TRRAP: variants seen among roughly 807,000 people sequenced by gnomAD.
TRRAP encodes the protein transformation/transcription domain associated protein.
A neutral mutation model predicts 438.8 loss-of-function variants in TRRAP; 41 were observed. The ratio of observed to expected loss-of-function variants is 0.09; its 90% CI spans 0.07 to 0.12. The LOEUF (loss-of-function observed/expected upper bound fraction) is 0.12. TRRAP is among the 10% of genes least tolerant of loss of function. TRRAP has a pLI of 1.00. For synonymous variants in TRRAP, 1,994 were observed against 1,962.9 expected, an observed-to-expected ratio of 1.02 and a Z score of -0.42; for missense variants, 3,122 against 5,055.1, an observed-to-expected ratio of 0.62 and a Z score of 11.60.
chr7:98,999,445 G>A, intron 67 of TRRAP: 1 of 911,040 alleles, frequency 1.1e-6, no homozygotes, highest in South Asian at 1.3e-5. Flanking sequence ...TCTGATGGGA[G>A]GGGCTTGAGC....
chr7:98,994,676 C>G lies in TRRAP; in HGVS notation c.10137C>G (p.Pro3379=). 2 of 1,614,214 alleles carry G rather than the reference C, an allele frequency of 1.2e-6. No homozygotes were observed. The highest frequency in any genetic ancestry group is 2.2e-5 in the South Asian group (2 of 91,086). The change falls in exon 67 of 73, where the codon CCC becomes CCG. Residue 3379 remains proline, a synonymous_variant. Coordinates refer to ENST00000456197, the MANE Select transcript of TRRAP (RefSeq NM_001375524.1). The surrounding 1 kb of genome is among the most constrained non-coding windows in gnomAD (Gnocchi z 4.8). ...SGAVSDAKIT[P]HTLNFVKKLV... ...CGGTGTCCGATGCTAAAATCACCCC[C>G]CACACTCTCAATTTTGTGAAGAAGT... is the stretch of plus-strand genomic sequence containing the variant.
rs1348485088 is a variant in TRRAP, at chr7:99,011,579, C to T, written c.11337+44C>T. ...CTATCACAGGCGCAGGCTAGAGCCA[C>T]TCAGATGCCCGCGCGTCACGGCCTT... On this transcript the variant is annotated intron_variant, in intron 72 of 72. Coordinates refer to ENST00000456197, the MANE Select transcript of TRRAP (RefSeq NM_001375524.1). The surrounding 1 kb of genome is among the most constrained non-coding windows in gnomAD (Gnocchi z 7.1). The T allele has an allele frequency of 2.5e-6, 4 of 1,584,836 alleles. No individual in the cohort carries two copies. In the African/African-American group the frequency reaches 5.4e-5, roughly 21 times the overall value.
chr7:98,970,332 G>T (rs1462822741), intron 52 of TRRAP, 41 bp downstream of exon 52: 3 of 1,599,688 alleles, frequency 1.9e-6, no homozygotes, highest in South Asian at 2.2e-5. Flanking sequence ...CAGAGAGGAG[G>T]TGAGGCCCCA....
At chr7:98,888,450 T>G (rs1263149418) in intron 3 of TRRAP, among the ~76,000 whole-genome samples, 2 of 151,166 alleles carry the variant, frequency 1.3e-5, no homozygotes, top group Non-Finnish European at 2.9e-5. Context: ...GGCAGGAGAA[T>G]CACTTGGATC....
intron 31 of TRRAP, among the ~76,000 whole-genome samples, chr7:98,945,539 ACT>A (rs1363349123): frequency 6.6e-6 from 1 of 151,946 alleles, no homozygotes; most frequent in African/African-American, 2.4e-5. Flanking sequence ...ACTGTTAGAC[ACT>A]CTCTGTCAGA....
intron 20 of TRRAP, among the ~76,000 whole-genome samples, chr7:98,920,811 T>TA (rs1789752161): frequency 1.3e-5 from 2 of 152,182 alleles, no homozygotes; most frequent in African/African-American, 4.8e-5. Context: ...ACCTCACTGC[T>TA]AAGTCGCATC....
chr7:98,923,783 C>T (rs993210816), intron 21 of TRRAP, among the ~76,000 whole-genome samples: 42 of 152,184 alleles, frequency 2.8e-4, no homozygotes, highest in African/African-American at 9.7e-4. Context: ...TCTCCTGGTT[C>T]CTCACACAGG....
intron 67 of TRRAP, chr7:98,999,593 G>T: frequency 1.3e-6 from 1 of 767,994 alleles, no homozygotes; most frequent in Non-Finnish European, 2.3e-6. Context: ...TCTTCCCATA[G>T]GTTGTCTAAG....
intron 45 of TRRAP, among the ~76,000 whole-genome samples, chr7:98,960,176 A>G (rs1241471117): frequency 1.3e-5 from 2 of 152,212 alleles, no homozygotes; most frequent in Admixed American, 6.5e-5. Flanking sequence ...TGATGGAGCT[A>G]TAATTTGTTA....
intron 3 of TRRAP, among the ~76,000 whole-genome samples, chr7:98,885,449 C>T (rs12155122): frequency 0.076 from 11,551 of 151,890 alleles, 555 homozygotes; most frequent in South Asian, 0.16. Context: ...CCCTAGCTTC[C>T]GTAAGGTCTT....
chr7:98,980,574 G>A lies in TRRAP; in HGVS notation c.8635-1195G>A, dbSNP rs73711460. On this transcript the variant is annotated intron_variant, in intron 58 of 72. Coordinates refer to ENST00000456197, the MANE Select transcript of TRRAP (RefSeq NM_001375524.1). ...GAGGAGCGGTTGGCCCAGGCTCATC[G>A]GCTGCTCCATGGAACTGACGCTGGA... is the stretch of plus-strand genomic sequence containing the variant. Among the ~76,000 whole-genome samples the A allele has an allele frequency of 2.7e-3, 418 of 152,284 alleles. 3 individuals carry two copies. The highest frequency in any genetic ancestry group is 9.7e-3 in the African/African-American group (404 of 41,576).
chr7:98,888,670 T>C (rs1190853335), intron 3 of TRRAP, among the ~76,000 whole-genome samples: 2 of 152,248 alleles, frequency 1.3e-5, no homozygotes, highest in Non-Finnish European at 2.9e-5. Flanking sequence ...TAGAATCTTC[T>C]TTTCTACCTT....
chr7:98,996,669 G>A (rs1373155337), intron 67 of TRRAP, among the ~76,000 whole-genome samples: 1 of 152,140 alleles, frequency 6.6e-6, no homozygotes, highest in Non-Finnish European at 1.5e-5. Context: ...TATACAAAAT[G>A]TCCTGAATGG....
chr7:98,881,318 A>T, intron 2 of TRRAP, 68 bp downstream of exon 2: 1 of 1,449,988 alleles, frequency 6.9e-7, no homozygotes, highest in Non-Finnish European at 9.3e-7. Context: ...CACGTCTGTA[A>T]TCCCAGCACT....
chr7:98,970,854 G>A (rs961112668), intron 52 of TRRAP, among the ~76,000 whole-genome samples: 1 of 152,198 alleles, frequency 6.6e-6, no homozygotes, highest in Non-Finnish European at 1.5e-5. Context: ...CTAGTCCCGG[G>A]ACGGGCAGCA....
At chr7:98,946,086 G>T in intron 33 of TRRAP, 136 bp downstream of exon 33, 2 of 884,632 alleles carry the variant, frequency 2.3e-6, no homozygotes, top group East Asian at 1.0e-4. Context: ...TTGTCTGTCT[G>T]TGGCAGAGTT....
At chr7:98,881,338 C>T (rs1420601724) in intron 2 of TRRAP, 88 bp downstream of exon 2, 12 of 1,233,084 alleles carry the variant, frequency 9.7e-6, no homozygotes, top group East Asian at 2.7e-5. Flanking sequence ...TTTGGGAGGC[C>T]GAGGCGGGTG....
Position 98,908,830 on chromosome 7 carries a change from C to A in TRRAP, c.1218C>A (p.Ile406=). The part of the protein sequence containing the change: ...SLAVQLFAKN[I]DDESLPSSIQ... Reference sequence around the variant, plus strand: ...CCGTCCAGCTCTTCGCCAAGAACATCGACGATGAGTCCCTGCCCAGCAGCA... The same window carrying A: ...CCGTCCAGCTCTTCGCCAAGAACATAGACGATGAGTCCCTGCCCAGCAGCA... The change falls in exon 14 of 73, where the codon ATC becomes ATA. Residue 406 remains isoleucine (I), a synonymous_variant. Coordinates refer to ENST00000456197, the MANE Select transcript of TRRAP (RefSeq NM_001375524.1). The surrounding 1 kb of genome is among the most constrained non-coding windows in gnomAD (Gnocchi z 4.1). 1.9e-6 allele frequency: 3 copies of A among 1,612,652 alleles called. No individual in the cohort carries two copies. Among genetic ancestry groups the A allele is most frequent in the Non-Finnish European group, 2.5e-6 (3 of 1,179,434 alleles).
intron 47 of TRRAP, 85 bp from the exon 48 acceptor site, chr7:98,964,544 A>G: frequency 7.3e-6 from 11 of 1,498,618 alleles, no homozygotes; most frequent in East Asian, 2.3e-5. Flanking sequence ...GTCAGAATAC[A>G]TTGTTTTGAA....
Sources: allele counts gnomAD v4.1 joint callset (sites outside exome capture counted in the v4.1 genomes callset), GRCh38; gene constraint gnomAD v4.1.1; non-coding constraint Gnocchi (gnomAD v3.1); transcripts MANE v1.5; gene names NCBI Gene and HGNC (gene_info 2026-07-23, HGNC 2026-07-21).